The following FGD4 variants were observed in gnomAD, a reference collection of about 807,000 sequenced individuals.
FGD4 encodes the protein FYVE, RhoGEF and PH domain-containing protein 4.
FGD4 carries 42 observed loss-of-function variants against 102.0 expected under a neutral mutation model. The ratio of observed to expected loss-of-function variants is 0.41; its 90% CI spans 0.32 to 0.53. FGD4 has a LOEUF of 0.53. Ranked by LOEUF, FGD4 falls within the 20% of genes least tolerant of loss-of-function variation. The probability of loss-of-function intolerance (pLI) is 0.21; values close to 1 mark genes in which losing one functional copy is unlikely to be tolerated. For missense variants in FGD4, 902 were observed against 1,078.2 expected (o/e 0.84, Z 2.29); for synonymous variants, 380 against 375.7 (o/e 1.01, Z -0.13).
chr12:32,410,040 C>T (rs994229470), intron 1 of FGD4, among the ~76,000 whole-genome samples: 3 of 150,246 alleles, frequency 2.0e-5, no homozygotes, highest in South Asian at 4.2e-4. Flanking sequence ...AGAAATTTGC[C>T]AGTATGGACC....
chr12:32,574,929 T>C (rs1182153033), intron 2 of FGD4: 1 of 152,212 alleles, frequency 6.6e-6, no homozygotes, highest in African/African-American at 2.4e-5. Context: ...ACACTGCTTA[T>C]TTAAAAATAC....
At chr12:32,483,837 T>C (rs1943823878) in intron 1 of FGD4, among the ~76,000 whole-genome samples, 1 of 152,192 alleles carries the variant, frequency 6.6e-6, no homozygotes, top group Admixed American at 6.5e-5. Context: ...TGGTGAGGTT[T>C]GGAAAGCATT....
intron 15 of FGD4, among the ~76,000 whole-genome samples, chr12:32,637,081 G>A (rs1220639260): frequency 1.4e-5 from 2 of 145,076 alleles, no homozygotes; most frequent in African/African-American, 5.0e-5. Flanking sequence ...TAGAGGCAGG[G>A]TTTCACTGTG....
At chr12:32,444,763 G>A (rs78754529) in intron 1 of FGD4, among the ~76,000 whole-genome samples, 5,809 of 152,250 alleles carry the variant, frequency 0.038, 173 homozygotes, top group South Asian at 0.12. Flanking sequence ...TTGTGGCAAG[G>A]TGAGACCTGA....
chr12:32,419,549 C>T (rs1244962653), intron 1 of FGD4, among the ~76,000 whole-genome samples: 1 of 151,784 alleles, frequency 6.6e-6, no homozygotes, highest in East Asian at 2.0e-4. Flanking sequence ...GGCAGAAGCA[C>T]TCCCTTAGTC....
chr12:32,632,630 G>GTC (rs1316369208), intron 14 of FGD4, among the ~76,000 whole-genome samples: 8 of 152,120 alleles, frequency 5.3e-5, no homozygotes, highest in Middle Eastern at 3.4e-3. Context: ...GCAAAGGAAA[G>GTC]TCTGAAAGAT....
intron 10 of FGD4, among the ~76,000 whole-genome samples, chr12:32,617,867 G>T (rs138684434): frequency 6.6e-6 from 1 of 152,130 alleles, no homozygotes; most frequent in African/African-American, 2.4e-5. Context: ...GTTTTCTATC[G>T]TGCGGGAGCT....
chr12:32,611,363 C>T, intron 10 of FGD4, 80 bp downstream of exon 10: 1 of 1,550,978 alleles, frequency 6.4e-7, no homozygotes, highest in South Asian at 1.1e-5. Context: ...TGCCTGTAAT[C>T]CCAGCACTTT....
Position 32,544,567 on chromosome 12 carries a change from A to G in FGD4, c.167-19570A>G, listed in dbSNP as rs1219929157. On this transcript the variant is annotated intron_variant, in intron 1 of 16. Coordinates refer to ENST00000534526, the MANE Select transcript of FGD4 (RefSeq NM_001370298.3). The surrounding 1 kb of genome is among the most constrained non-coding windows in gnomAD (Gnocchi z 4.1). ...GTCAGTATGGTGAAATCCCGTCTCT[A>G]CAAAAAAATACAAAAATGAGCCGGG... Among the ~76,000 whole-genome samples the G allele has an allele frequency of 2.0e-5, 3 of 151,920 alleles. No individual in the cohort carries two copies. Among genetic ancestry groups the G allele is most frequent in the Admixed American group, 6.6e-5 (1 of 15,260 alleles).
chr12:32,496,287 T>C (rs1937814390), intron 1 of FGD4, among the ~76,000 whole-genome samples: 2 of 152,194 alleles, frequency 1.3e-5, no homozygotes, highest in Admixed American at 6.5e-5. Context: ...TGAATTATCA[T>C]AGTTTTTATT....
At chr12:32,610,668 T>C (rs1289606061) in intron 8 of FGD4, 108 bp from the exon 9 acceptor site, 2 of 944,082 alleles carry the variant, frequency 2.1e-6, no homozygotes, top group East Asian at 5.1e-5. Flanking sequence ...GCCACTATTT[T>C]TGTTGTATCT....
intron 11 of FGD4, 21 bp downstream of exon 11, chr12:32,619,891 A>C: frequency 6.2e-7 from 1 of 1,613,746 alleles, no homozygotes; most frequent in Middle Eastern, 1.6e-4. Context: ...CATTTCTATC[A>C]CACTGCTTTC....
chr12:32,436,694 A>G (rs1470056169), intron 1 of FGD4, among the ~76,000 whole-genome samples: 1 of 152,136 alleles, frequency 6.6e-6, no homozygotes, highest in Non-Finnish European at 1.5e-5. Flanking sequence ...TCTTAAATCA[A>G]TTTGGTTATG....
In FGD4 at chr12:32,506,523, T is replaced by C. The variant is rs1180558855; in HGVS notation, c.167-57614T>C. On this transcript the variant is annotated intron_variant, in intron 1 of 16. Coordinates refer to ENST00000534526, the MANE Select transcript of FGD4 (RefSeq NM_001370298.3). This position sits in a 1 kb window ranked among gnomAD's most constrained non-coding sequence, Gnocchi z 4.5. ...TCACCTGGGCAGCATCTAGCATTCC[T>C]GTTGTGGGTTAGTACAACTTTCCTG... is the stretch of plus-strand genomic sequence containing the variant. Among the ~76,000 whole-genome samples the C allele has an allele frequency of 6.6e-6, 1 of 152,218 alleles. No homozygotes were observed. The highest frequency in any genetic ancestry group is 1.9e-4 in the East Asian group (1 of 5,172).
intron 2 of FGD4, among the ~76,000 whole-genome samples, chr12:32,573,189 G>A (rs142105089): frequency 0.049 from 7,447 of 152,134 alleles, 219 homozygotes; most frequent in African/African-American, 0.062. Context: ...TCCGCCTCCC[G>A]GGTTCACGCC....
intron 1 of FGD4, among the ~76,000 whole-genome samples, chr12:32,526,080 C>T (rs1001474195): frequency 2.6e-5 from 4 of 152,258 alleles, no homozygotes; most frequent in Non-Finnish European, 5.9e-5. Context: ...GACTGGCAGG[C>T]AGCTCCACCT....
At chr12:32,422,288 C>CTTTTTTTTTTTTTTGTTTTTTTTTT (rs1941661923) in intron 1 of FGD4, among the ~76,000 whole-genome samples, 1 of 54,154 alleles carries the variant, frequency 1.8e-5, no homozygotes, top group Non-Finnish European at 3.3e-5. Context: ...TTGGGAGCTG[C>CTTTTTTTTTTTTTTGTTTTTTTTTT]TTTTTTTTTT....
intron 1 of FGD4, among the ~76,000 whole-genome samples, chr12:32,521,160 G>T: frequency 6.6e-6 from 1 of 151,960 alleles, no homozygotes; most frequent in East Asian, 1.9e-4. Flanking sequence ...AGTCCGAGGC[G>T]GGTGGATCAC....
intron 1 of FGD4, among the ~76,000 whole-genome samples, chr12:32,540,654 C>T (rs1392480611): frequency 6.6e-6 from 1 of 151,820 alleles, no homozygotes; most frequent in Non-Finnish European, 1.5e-5. Flanking sequence ...CAACCTCCAC[C>T]TCCCAGGTTC....
Sources: allele counts gnomAD v4.1 joint callset (sites outside exome capture counted in the v4.1 genomes callset), GRCh38; gene constraint gnomAD v4.1.1; non-coding constraint Gnocchi (gnomAD v3.1); transcripts MANE v1.5; gene names NCBI Gene and HGNC (gene_info 2026-07-23, HGNC 2026-07-21).